NPC1: variants seen among roughly 807,000 people sequenced by gnomAD.
NPC1 encodes the protein NPC intracellular cholesterol transporter 1.
Under a neutral mutation model 140.4 loss-of-function variants are expected in NPC1, and 85 were observed. The ratio of observed to expected loss-of-function variants is 0.61; its 90% CI spans 0.51 to 0.72. The LOEUF (loss-of-function observed/expected upper bound fraction) is 0.72, where lower values mean the gene tolerates loss of function less well. Among genes scored for constraint, NPC1 ranks in the 30% least tolerant of loss-of-function variants. The probability of loss-of-function intolerance (pLI) is 0.00; values close to 1 mark genes in which losing one functional copy is unlikely to be tolerated. For synonymous variants in NPC1, 656 were observed against 624.8 expected, an observed-to-expected ratio of 1.05 and a Z score of -0.74; for missense variants, 1,504 against 1,623.8, an observed-to-expected ratio of 0.93 and a Z score of 1.27.
chr18:23,511,221 C>T (rs574626974), intron 3 of NPC1, among the ~76,000 whole-genome samples: 1 of 152,180 alleles, frequency 6.6e-6, no homozygotes, highest in South Asian at 2.1e-4. Context: ...CAAACTAACA[C>T]AGGAACAGAA....
At chr18:23,532,800 T>C (rs1339749809) in intron 24 of NPC1, 2 of 835,968 alleles carry the variant, frequency 2.4e-6, no homozygotes, top group Non-Finnish European at 2.9e-6. Context: ...CTTAATCTTC[T>C]ACTTCAGTGC....
chr18:23,567,961 A>G (rs1429694648), intron 4 of NPC1, among the ~76,000 whole-genome samples: 144 of 152,326 alleles, frequency 9.5e-4, no homozygotes, highest in Non-Finnish European at 1.3e-3. Flanking sequence ...TTATATTCAT[A>G]AATATTTTTC....
At chr18:23,570,449 T>C (rs996985347) in intron 3 of NPC1, among the ~76,000 whole-genome samples, 1 of 152,234 alleles carries the variant, frequency 6.6e-6, no homozygotes, top group South Asian at 2.1e-4. Flanking sequence ...TTTCATAGGA[T>C]ATGCTGGCCC....
At chr18:23,545,246 CT>C (rs926048108) in intron 11 of NPC1, 97 bp from the exon 12 acceptor site, 94 of 938,650 alleles carry the variant, frequency 1.0e-4, no homozygotes, top group Middle Eastern at 3.2e-4. Flanking sequence ...GCCACGTTTT[CT>C]TTTTTTTGGT....
downstream of NPC1, chr18:23,529,766 A>C (rs893413845): frequency 3.3e-6 from 5 of 1,508,160 alleles, no homozygotes; most frequent in African/African-American, 5.5e-5. Flanking sequence ...TAAAAAAAAA[A>C]CACAGTCACT....
chr18:23,568,831 A>G lies in NPC1; in HGVS notation c.455T>C (p.Phe152Ser). ...ATTAAAAGTTTACTTACCATTGGCA[A>G]AACTCTGTCCGACGTAGTATTGTAA... is the stretch of plus-strand genomic sequence containing the variant. ...KELQYYVGQS[F>S]ANAMYNACRD... is the part of the protein sequence containing the mutation. The change falls in exon 4 of 25, where the codon TTT becomes TCT. Residue 152 changes from phenylalanine to serine, a missense_variant. Phe to Ser is a radical substitution (Grantham distance 155). Coordinates refer to ENST00000269228, the MANE Select transcript of NPC1 (RefSeq NM_000271.5). 6.2e-7 allele frequency: 1 copy of G among 1,613,950 alleles called. No individual in the cohort carries two copies. Among genetic ancestry groups the G allele is most frequent in the East Asian group, 2.2e-5 (1 of 44,868 alleles).
intron 1 of NPC1, 47 bp from the exon 2 acceptor site, chr18:23,573,621 T>C (rs1414987066): frequency 6.2e-7 from 1 of 1,613,260 alleles, no homozygotes; most frequent in Admixed American, 1.7e-5. Flanking sequence ...GTCTCAATGG[T>C]AAATTTCAAC....
At chr18:23,586,081 G>A (rs1230444560) in intron 1 of NPC1, among the ~76,000 whole-genome samples, 1 of 152,192 alleles carries the variant, frequency 6.6e-6, no homozygotes, top group Non-Finnish European at 1.5e-5. Flanking sequence ...GGTCACCCAA[G>A]CCCCCACTGC....
chr18:23,530,494 T>C (rs752809345), downstream of NPC1: 2 of 1,614,278 alleles, frequency 1.2e-6, no homozygotes, highest in South Asian at 2.2e-5. Context: ...ACAACATTTC[T>C]GCACGAAAAT....
chr18:23,530,800 T>C (rs558844212), downstream of NPC1, among the ~76,000 whole-genome samples: 1 of 152,322 alleles, frequency 6.6e-6, no homozygotes, highest in South Asian at 2.1e-4. Context: ...ATCTGAATTA[T>C]GCTCTGGAAC....
intron 1 of NPC1, chr18:23,524,013 A>T: frequency 8.7e-7 from 1 of 1,152,180 alleles, no homozygotes; most frequent in Non-Finnish European, 1.3e-6. Context: ...TTCCTTGACT[A>T]CAATTGAATA....
At chr18:23,564,444 C>T (rs1438470819) in intron 4 of NPC1, among the ~76,000 whole-genome samples, 1 of 152,102 alleles carries the variant, frequency 6.6e-6, no homozygotes, top group Non-Finnish European at 1.5e-5. Context: ...CTTCCTGCCT[C>T]AGATAACCAT....
rs886053666 is a variant in NPC1 at position 23,544,948 on chromosome 18, C to G, written c.1947+12G>C. ...TAACCTCTAGAACATACACCACCCC[C>G]CCCCGGCTTACCAGAAGCCTGCGAC... On this transcript the variant is annotated intron_variant, in intron 12 of 24. Transcript: ENST00000269228. 2.0e-5 allele frequency: 28 copies of G among 1,379,412 alleles called. 2 individuals carry two copies. Among genetic ancestry groups the G allele is most frequent in the Middle Eastern group, 1.8e-4 (1 of 5,674 alleles). 85.4% of individuals were successfully genotyped at this position (1,379,412 alleles called of 1,614,324 possible). A position where few individuals can be genotyped will look rare whatever the true frequency, so the allele number is the denominator to read the frequency against.
chr18:23,583,085 G>A (rs2059375641), intron 1 of NPC1, among the ~76,000 whole-genome samples: 1 of 136,542 alleles, frequency 7.3e-6, no homozygotes, highest in African/African-American at 2.7e-5. Flanking sequence ...TCAGCCTGGG[G>A]GACAGTGCAA....
At position 23,586,154 on chromosome 18, in the gene NPC1, A is replaced by G. The variant is rs2059416130; in HGVS notation, c.57+133T>C. On this transcript the variant is annotated intron_variant, in intron 1 of 24. Transcript: ENST00000269228. ...GAGACAGAAACAGGACAAGTGAGGA[A>G]CCTCCGAGCTCTCCATCGCCAGACC... is the stretch of plus-strand genomic sequence containing the variant. The G allele has an allele frequency of 5.7e-5, 52 of 911,698 alleles. No homozygotes were observed. In the South Asian group the frequency reaches 8.5e-4, roughly 15 times the overall value. The allele number at this position is 911,698 out of a possible 1,614,324, so 56.5% of individuals were successfully genotyped here.
chr18:23,549,651 T>A (rs954143174), intron 10 of NPC1, among the ~76,000 whole-genome samples: 1 of 147,400 alleles, frequency 6.8e-6, no homozygotes, highest in Non-Finnish European at 1.5e-5. Context: ...AAAAATAAAA[T>A]AAAAACCTTT....
At chr18:23,536,182 A>G (rs2058627595) in intron 21 of NPC1, among the ~76,000 whole-genome samples, 1 of 152,204 alleles carries the variant, frequency 6.6e-6, no homozygotes, top group African/African-American at 2.4e-5. Flanking sequence ...GAGGCAGGAA[A>G]AATAAATCAC....
chr18:23,564,870 CATT>C (rs1160619814), intron 4 of NPC1, among the ~76,000 whole-genome samples: 3 of 152,110 alleles, frequency 2.0e-5, no homozygotes, highest in Non-Finnish European at 2.9e-5. Context: ...GGCCCAATTT[CATT>C]ATTATTTATT....
downstream of NPC1, among the ~76,000 whole-genome samples, chr18:23,519,794 T>C (rs982684857): frequency 6.6e-6 from 1 of 152,140 alleles, no homozygotes; most frequent in Non-Finnish European, 1.5e-5. Context: ...GGGATAATGG[T>C]TTTGAGGCCG....
Sources: allele counts gnomAD v4.1 joint callset (sites outside exome capture counted in the v4.1 genomes callset), GRCh38; gene constraint gnomAD v4.1.1; transcripts MANE v1.5; gene names NCBI Gene and HGNC (gene_info 2026-07-23, HGNC 2026-07-21).